TDRD12: variants seen among roughly 807,000 people sequenced by gnomAD.
TDRD12 encodes the protein putative ATP-dependent RNA helicase TDRD12.
Under a neutral mutation model 133.5 loss-of-function variants are expected in TDRD12, and 158 were observed. That is an observed-to-expected ratio of 1.18 (90% CI 1.04 to 1.35). TDRD12 has a LOEUF of 1.35. TDRD12 is among the 40% of genes most tolerant of loss of function. The pLI is 0.00. For missense variants in TDRD12, 1,443 were observed against 1,321.3 expected, an observed-to-expected ratio of 1.09 and a Z score of -1.43; for synonymous variants, 460 against 477.9, an observed-to-expected ratio of 0.96 and a Z score of 0.49.
chr19:32,745,066 A>G (rs2145492875), intron 4 of TDRD12, among the ~76,000 whole-genome samples: 1 of 152,292 alleles, frequency 6.6e-6, no homozygotes, highest in South Asian at 2.1e-4. Flanking sequence ...GCCGCCCTCC[A>G]GCCAGCCCCC....
At chr19:32,826,239 T>C, downstream of TDRD12, 1 of 1,482,074 alleles carries the variant, frequency 6.7e-7, no homozygotes, top group Non-Finnish European at 9.0e-7. Flanking sequence ...TCTTTCTTCT[T>C]CTAGCTTCCA....
chr19:32,804,669 G>T (rs560815964), intron 21 of TDRD12, among the ~76,000 whole-genome samples: 3 of 148,386 alleles, frequency 2.0e-5, no homozygotes, highest in Admixed American at 6.7e-5. Context: ...CTCCAGCCTG[G>T]AGACACAGCA....
chr19:32,776,199 CTTGGAGACA>C (rs1970579625), intron 10 of TDRD12, among the ~76,000 whole-genome samples: 1 of 152,228 alleles, frequency 6.6e-6, no homozygotes, highest in Non-Finnish European at 1.5e-5. Flanking sequence ...GATAGTTTCT[CTTGGAGACA>C]TTGGTGTGCA....
At chr19:32,748,252 G>T (rs1219280353) in intron 4 of TDRD12, among the ~76,000 whole-genome samples, 3 of 152,174 alleles carry the variant, frequency 2.0e-5, no homozygotes, top group Non-Finnish European at 4.4e-5. Context: ...GGGCCTCTGT[G>T]CTATGAGTCT....
Position 32,738,904 on chromosome 19 carries a change from GTCAAA to G in TDRD12, c.237_241del (p.Lys79AsnfsTer26). 6.4e-7 allele frequency: 1 copy of G among 1,551,496 alleles called. No homozygotes were observed. The highest frequency in any genetic ancestry group is 8.7e-7 in the Non-Finnish European group (1 of 1,146,998). On this transcript the variant is annotated frameshift_variant, in exon 3 of 28. Transcript: ENST00000444215. LOFTEE classifies it high-confidence loss of function. The stretch of plus-strand genomic sequence containing the variant: ...GCTAAAGTGCTGGTGCAGGGCCATT[GTCAAA>G]TCAATTACGTCTTCCGCAGACCAGT...
exon 14 of TDRD12, chr19:32,794,758 T>C: frequency 1.4e-6 from 1 of 703,452 alleles, no homozygotes; most frequent in Non-Finnish European, 2.6e-6. Context: ...CTCCTACCAG[T>C]GTTGACAGTT....
At chr19:32,803,038 C>T in exon 21 of TDRD12, 1 of 1,535,890 alleles carries the variant, frequency 6.5e-7, no homozygotes, top group African/African-American at 1.4e-5. Flanking sequence ...ACGCCAAGGT[C>T]CCCGCAGAGC....
Position 32,820,279 on chromosome 19 carries a change from G to T in TDRD12, c.3384-754G>T, listed in dbSNP as rs112153412. 9.1e-3 allele frequency among the ~76,000 whole-genome samples: 1,382 copies of T among 152,134 alleles called. 17 individuals are homozygous for T. Among genetic ancestry groups the T allele is most frequent in the African/African-American group, 0.03 (1,243 of 41,470 alleles). ...CCCTCCTCCTCGTGTGTGTGTGTTTGCTCATTTAGGCTTGAATTGTCTCTT... is the reference window on the plus strand; with the variant it reads ...CCCTCCTCCTCGTGTGTGTGTGTTTTCTCATTTAGGCTTGAATTGTCTCTT... On this transcript the variant is annotated intron_variant, in intron 27 of 27. Transcript: ENST00000444215.
chr19:32,719,936 G>T, exon 1 of TDRD12: 1 of 1,113,304 alleles, frequency 9.0e-7, no homozygotes, highest in Non-Finnish European at 1.3e-6. Flanking sequence ...CTGCCGCGGG[G>T]GGCCCAGGCG....
At chr19:32,810,399 G>T (rs1966962156) in intron 23 of TDRD12, 122 bp downstream of exon 23, 3 of 793,474 alleles carry the variant, frequency 3.8e-6, no homozygotes, top group Non-Finnish European at 5.6e-6. Context: ...GTGACAGCGG[G>T]GTGTCCCCCC....
At chr19:32,758,489 C>T (rs190983349) in intron 8 of TDRD12, among the ~76,000 whole-genome samples, 16 of 152,212 alleles carry the variant, frequency 1.1e-4, no homozygotes, top group Non-Finnish European at 2.2e-4. Flanking sequence ...GTGTATTACC[C>T]GAGACTTGTA....
rs1276992149 is a variant in TDRD12, at chr19:32,797,889, G to T, written c.1628G>T (p.Gly543Val). 4 of 691,044 alleles carry T rather than the reference G, an allele frequency of 5.8e-6. No homozygotes were observed. In the East Asian group the frequency reaches 1.1e-4, roughly 19 times the overall value. 42.8% of individuals were successfully genotyped at this position (691,044 alleles called of 1,614,324 possible). A position where few individuals can be genotyped will look rare whatever the true frequency, so the allele number is the denominator to read the frequency against. Residue 543 changes from glycine (G) to valine (V), a missense_variant and splice_region_variant, in exon 15 of 28, where the codon GGC (glycine) becomes GTC (valine). Physicochemically the swap from Gly to Val is moderately radical, Grantham distance 109. Coordinates refer to ENST00000444215, the Ensembl canonical transcript of TDRD12. ...GCCAAAAATACAAAGCTTCCAAGGG[G>T]CTGTAAGTATCCTTTTCAAGCGGCT...
At chr19:32,800,802 T>A in intron 18 of TDRD12, 30 bp downstream of exon 18, 1 of 1,496,038 alleles carries the variant, frequency 6.7e-7, no homozygotes. Context: ...AAAAATGTTC[T>A]GTTTGTTTCA....
intron 12 of TDRD12, 44 bp downstream of exon 12, chr19:32,790,635 A>G (rs1310093118): frequency 1.9e-6 from 3 of 1,551,546 alleles, no homozygotes; most frequent in African/African-American, 1.4e-5. Context: ...GAGAGAAAAA[A>G]CTGTTTATTC....
At chr19:32,791,537 C>T (rs1421956129) in intron 13 of TDRD12, among the ~76,000 whole-genome samples, 2 of 151,750 alleles carry the variant, frequency 1.3e-5, no homozygotes, top group Non-Finnish European at 2.9e-5. Context: ...CTAAAACAAC[C>T]AGGACAAATA....
At chr19:32,826,455 G>C (rs920174974) in exon 9 of TDRD12, 1 of 1,247,654 alleles carries the variant, frequency 8.0e-7, no homozygotes, top group Non-Finnish European at 1.0e-6. Flanking sequence ...TGCTTGGGTG[G>C]GAGACAAATT....
rs1464174731 is a variant in TDRD12, at chr19:32,800,364, T to C, written c.1950+6T>C. The C allele has an allele frequency of 1.3e-6, 2 of 1,505,566 alleles. No homozygotes were observed. 93.3% of individuals were successfully genotyped at this position (1,505,566 alleles called of 1,614,324 possible). A position where few individuals can be genotyped will look rare whatever the true frequency, so the allele number is the denominator to read the frequency against. Reference sequence around the variant, plus strand: ...TCTATGGCAATGTCCAACAGGTAACTTTGTGTGTATGTGTATGTGTATGTG... The same window carrying C: ...TCTATGGCAATGTCCAACAGGTAACCTTGTGTGTATGTGTATGTGTATGTG... On this transcript the variant is annotated splice_donor_region_variant and intron_variant, in intron 17 of 27. Coordinates refer to ENST00000444215, the Ensembl canonical transcript of TDRD12.
At chr19:32,816,307 C>G (rs2145743676) in intron 26 of TDRD12, among the ~76,000 whole-genome samples, 1 of 152,272 alleles carries the variant, frequency 6.6e-6, no homozygotes, top group South Asian at 2.1e-4. Context: ...TCAGAGCCTC[C>G]CCTCCCTCTA....
chr19:32,733,986 G>A (rs1031348090), intron 2 of TDRD12, among the ~76,000 whole-genome samples: 1 of 151,282 alleles, frequency 6.6e-6, no homozygotes, highest in African/African-American at 2.4e-5. Context: ...CCACCTCCCG[G>A]GTTCACGCCG....
Sources: allele counts gnomAD v4.1 joint callset (sites outside exome capture counted in the v4.1 genomes callset), GRCh38; gene constraint gnomAD v4.1.1; transcripts MANE v1.5; gene names NCBI Gene and HGNC (gene_info 2026-07-23, HGNC 2026-07-21).